The following ANGPT1 variants were observed in gnomAD, a reference collection of about 807,000 sequenced individuals.
ANGPT1 encodes the protein angiopoietin-1.
ANGPT1 carries 17 observed loss-of-function variants against 62.2 expected under a neutral mutation model. That is an observed-to-expected ratio of 0.27 (90% CI 0.19 to 0.41). The LOEUF (loss-of-function observed/expected upper bound fraction) is 0.41. Among genes scored for constraint, ANGPT1 ranks in the 10% least tolerant of loss-of-function variants. The probability of loss-of-function intolerance (pLI) is 1.00; values close to 1 mark genes in which losing one functional copy is unlikely to be tolerated. For synonymous variants in ANGPT1, 199 were observed against 198.9 expected, an observed-to-expected ratio of 1.00 and a Z score of 0.00; for missense variants, 478 against 594.9, an observed-to-expected ratio of 0.80 and a Z score of 2.04.
chr8:107,290,024 AATCC>A (rs1268839469), intron 6 of ANGPT1, among the ~76,000 whole-genome samples: 4 of 152,166 alleles, frequency 2.6e-5, no homozygotes, highest in African/African-American at 9.7e-5. Flanking sequence ...CATCTTTACA[AATCC>A]ATAAACCAGA....
intron 7 of ANGPT1, among the ~76,000 whole-genome samples, chr8:107,283,070 A>T (rs1443382099): frequency 1.3e-5 from 2 of 152,230 alleles, no homozygotes; most frequent in Admixed American, 1.3e-4. Flanking sequence ...GAAAGGAACC[A>T]AAGCAAATTC....
intron 4 of ANGPT1, among the ~76,000 whole-genome samples, chr8:107,305,370 T>A (rs189412090): frequency 4.9e-4 from 74 of 152,060 alleles, no homozygotes; most frequent in Admixed American, 4.3e-3. Flanking sequence ...CTGCCCTCCC[T>A]TTTTTAGTTA....
At chr8:107,363,187 A>T (rs189734570) in intron 1 of ANGPT1, among the ~76,000 whole-genome samples, 56 of 151,890 alleles carry the variant, frequency 3.7e-4, no homozygotes, top group African/African-American at 1.3e-3. Context: ...CATCAGGCTA[A>T]TTGTACCTGT....
At chr8:107,458,996 G>T (rs1025268942) in intron 1 of ANGPT1, among the ~76,000 whole-genome samples, 1 of 152,030 alleles carries the variant, frequency 6.6e-6, no homozygotes, top group African/African-American at 2.4e-5. Context: ...TGCTTGTGAC[G>T]CCATCTTAAG....
chr8:107,450,226 C>T (rs986660325), intron 1 of ANGPT1, among the ~76,000 whole-genome samples: 1 of 152,008 alleles, frequency 6.6e-6, no homozygotes, highest in Non-Finnish European at 1.5e-5. Flanking sequence ...AAGCCATTGT[C>T]ATAGATAAAC....
intron 1 of ANGPT1, among the ~76,000 whole-genome samples, chr8:107,467,402 C>T (rs1038738045): frequency 6.6e-6 from 1 of 151,660 alleles, no homozygotes; most frequent in African/African-American, 2.4e-5. Context: ...CCCACCAAAA[C>T]GTACAATTTA....
intron 4 of ANGPT1, among the ~76,000 whole-genome samples, chr8:107,311,347 C>A (rs1814858745): frequency 6.6e-6 from 1 of 151,642 alleles, no homozygotes. Context: ...GAAAAAAAGC[C>A]ATAATTTTAT....
intron 7 of ANGPT1, among the ~76,000 whole-genome samples, chr8:107,273,367 C>T (rs374849700): frequency 2.0e-5 from 3 of 152,060 alleles, no homozygotes; most frequent in Admixed American, 6.6e-5. Flanking sequence ...CATTGTATTG[C>T]TATAAGGTCT....
chr8:107,309,174 G>A (rs552090609), intron 4 of ANGPT1, among the ~76,000 whole-genome samples: 21 of 152,178 alleles, frequency 1.4e-4, no homozygotes, highest in Middle Eastern at 3.4e-3. Context: ...TTCTTCAATC[G>A]TTCATTTTAA....
intron 1 of ANGPT1, among the ~76,000 whole-genome samples, chr8:107,426,433 A>C (rs1207759935): frequency 6.6e-6 from 1 of 152,242 alleles, no homozygotes; most frequent in African/African-American, 2.4e-5. Context: ...AGTGTCAAGA[A>C]ATAATCGCAT....
At chr8:107,273,241 G>C (rs2130079335) in intron 7 of ANGPT1, among the ~76,000 whole-genome samples, 1 of 152,186 alleles carries the variant, frequency 6.6e-6, no homozygotes, top group Admixed American at 6.6e-5. Flanking sequence ...TTTCTTTCCA[G>C]CATTCCCTTG....
Position 107,365,856 on chromosome 8 carries a change from A to AACACACACAC in ANGPT1, c.298-18769_298-18760dup, listed in dbSNP as rs10627552. On this transcript the variant is annotated intron_variant, in intron 1 of 8. Transcript: ENST00000517746. ...TTTAATTAGGACAAGAAACAAATAC[A>AACACACACAC]ACACACACACACACACACACACACA... is the stretch of plus-strand genomic sequence containing the variant. 8.8e-3 allele frequency among the ~76,000 whole-genome samples: 1,292 copies of AACACACACAC among 147,164 alleles called. 11 individuals are homozygous for AACACACACAC. Among genetic ancestry groups the AACACACACAC allele is most frequent in the African/African-American group, 0.025 (980 of 39,706 alleles).
intron 8 of ANGPT1, among the ~76,000 whole-genome samples, chr8:107,257,894 T>TTTTTTTTTTTTTTTTTTTTTTTC (rs1813402532): frequency 9.9e-6 from 1 of 101,392 alleles, no homozygotes; most frequent in Non-Finnish European, 2.3e-5. Context: ...TTTGTTTGTT[T>TTTTTTTTTTTTTTTTTTTTTTTC]GTTTGTTTGT....
At chr8:107,458,017 T>C (rs965280040) in intron 1 of ANGPT1, among the ~76,000 whole-genome samples, 1 of 151,996 alleles carries the variant, frequency 6.6e-6, no homozygotes, top group African/African-American at 2.4e-5. Flanking sequence ...GTGAAAAAAA[T>C]AAAATAAAAG....
At chr8:107,399,308 G>A (rs141622155) in intron 1 of ANGPT1, among the ~76,000 whole-genome samples, 1 of 152,234 alleles carries the variant, frequency 6.6e-6, no homozygotes, top group Non-Finnish European at 1.5e-5. Flanking sequence ...TGATAGGCTT[G>A]GAGATGGTTG....
intron 1 of ANGPT1, among the ~76,000 whole-genome samples, chr8:107,482,529 T>C (rs1812716921): frequency 6.6e-6 from 1 of 152,154 alleles, no homozygotes; most frequent in South Asian, 2.1e-4. Flanking sequence ...GCTCAGGGCA[T>C]GAGTATTGTA....
intron 1 of ANGPT1, among the ~76,000 whole-genome samples, chr8:107,436,603 G>T (rs1811342523): frequency 6.6e-6 from 1 of 152,134 alleles, no homozygotes; most frequent in African/African-American, 2.4e-5. Flanking sequence ...CTGGGAATTT[G>T]AAGTTCATCT....
At chr8:107,425,021 C>T (rs996739039) in intron 1 of ANGPT1, among the ~76,000 whole-genome samples, 5 of 152,076 alleles carry the variant, frequency 3.3e-5, no homozygotes, top group South Asian at 2.1e-4. Flanking sequence ...ACTACAGGCA[C>T]GTGTCACCAC....
At chr8:107,446,164 G>A (rs1020241771) in intron 1 of ANGPT1, among the ~76,000 whole-genome samples, 14 of 152,166 alleles carry the variant, frequency 9.2e-5, no homozygotes, top group Admixed American at 7.9e-4. Flanking sequence ...TGATCTGCCC[G>A]CCTTGGCTTC....
Sources: gnomAD v4.1 joint callset for allele counts (sites outside exome capture counted in the v4.1 genomes callset) on GRCh38, gnomAD v4.1.1 for gene constraint, MANE v1.5 for transcripts, NCBI Gene and HGNC (gene_info 2026-07-23, HGNC 2026-07-21) for gene names.